Variants in P2RY10 observed in about 807,000 individuals in gnomAD.
P2RY10 encodes P2Y receptor family member 10.
P2RY10 carries 4 observed loss-of-function variants against 12.1 expected under a neutral mutation model. The ratio of observed to expected loss-of-function variants is 0.33; its 90% CI spans 0.16 to 0.76. The LOEUF (loss-of-function observed/expected upper bound fraction) is 0.76. P2RY10 is among the 30% of genes least tolerant of loss of function. The pLI, the probability that P2RY10 is intolerant of heterozygous loss-of-function variation, is 0.61. For missense variants in P2RY10, 233 were observed against 264.6 expected, an observed-to-expected ratio of 0.88 and a Z score of 0.83; for synonymous variants, 112 against 94.1, an observed-to-expected ratio of 1.19 and a Z score of -1.10.
intron 3 of P2RY10, among the ~76,000 whole-genome samples, chrX:78,959,218 G>A (rs1044243308): frequency 6.3e-5 from 7 of 111,308 alleles, no homozygotes; most frequent in African/African-American, 2.3e-4. Flanking sequence ...GGAGAAGGGT[G>A]TGCATGGAAG....
Position 78,960,950 on chromosome X carries a change from T to G in P2RY10, c.430T>G (p.Trp144Gly). The G allele has an allele frequency of 8.3e-7, 1 of 1,211,554 alleles. No homozygotes were observed. Among genetic ancestry groups the G allele is most frequent in the Non-Finnish European group, 1.1e-6 (1 of 895,198 alleles). Reference sequence around the variant, plus strand: ...CCTCAAGCCCTTCAGGGCCAGAGACTGGAAGCGTAGGTACGATGTGGGCAT... The same window carrying G: ...CCTCAAGCCCTTCAGGGCCAGAGACGGGAAGCGTAGGTACGATGTGGGCAT... ...FLLKPFRARD[W>G]KRRYDVGISA... The change falls in exon 4 of 4, where the codon TGG (tryptophan) becomes GGG (glycine). Residue 144 changes from tryptophan (W) to glycine (G), a missense_variant. By Grantham distance (184) the Trp-to-Gly change is radical (BLOSUM62 -2). Coordinates refer to ENST00000171757, the MANE Select transcript of P2RY10 (RefSeq NM_014499.4).
Position 78,961,962 on chromosome X carries a change from T to A in P2RY10, c.*422T>A, listed in dbSNP as rs1023465. On this transcript the variant is annotated 3_prime_UTR_variant, in exon 4 of 4. Transcript: ENST00000171757. ...TCTGAGTGAGAGTAAAAATGTCTAA[T>A]CTTTCTAACAGGTAAATTTTTCTAA... The A allele has an allele frequency of 0.056, 6,945 of 124,932 alleles. 647 individuals are homozygous for A. Among genetic ancestry groups the A allele is most frequent in the East Asian group, 0.52 (1,844 of 3,536 alleles). 10.3% of individuals were successfully genotyped at this position (124,932 alleles called of 1,213,427 possible). A position where few individuals can be genotyped will look rare whatever the true frequency, so the allele number is the denominator to read the frequency against.
At chrX:78,949,514 C>G (rs1417446251) in intron 2 of P2RY10, among the ~76,000 whole-genome samples, 1 of 111,629 alleles carries the variant, frequency 9.0e-6, no homozygotes, top group African/African-American at 3.3e-5. Context: ...ACCAGGTCTT[C>G]CAAAGAACAT....
intron 3 of P2RY10, 77 bp from the exon 4 acceptor site, chrX:78,960,431 G>C: frequency 1.4e-6 from 1 of 729,378 alleles, no homozygotes; most frequent in Admixed American, 3.2e-5. Context: ...GCCTCTGTAA[G>C]TATAAAAGAG....
chrX:78,960,655 C>A lies in P2RY10; in HGVS notation c.135C>A (p.Phe45Leu). 4.1e-6 allele frequency: 5 copies of A among 1,211,271 alleles called. No homozygotes were observed. The highest frequency in any genetic ancestry group is 5.6e-6 in the Non-Finnish European group (5 of 895,071). Residue 45 changes from phenylalanine to leucine, a missense_variant, in exon 4 of 4, where the codon TTC becomes TTA. Coordinates refer to ENST00000171757, the MANE Select transcript of P2RY10 (RefSeq NM_014499.4). ...SLYATTYILI[F>L]IPGLLANSAA... Reference sequence around the variant, plus strand: ...ATGCAACCACCTATATCCTCATATTCATTCCTGGTCTTCTGGCTAACAGTG... The same window carrying A: ...ATGCAACCACCTATATCCTCATATTAATTCCTGGTCTTCTGGCTAACAGTG...
At position 78,948,419 on chromosome X, in the gene P2RY10, G is replaced by C. The variant is rs1417609215; in HGVS notation, c.-157+556G>C. ...ACTCACATTTATTTAATACTTATTG[G>C]GTATCAGACATGAAAATAGGTACTT... On this transcript the variant is annotated intron_variant, in intron 2 of 3. Coordinates refer to ENST00000171757, the MANE Select transcript of P2RY10 (RefSeq NM_014499.4). 4.5e-5 allele frequency among the ~76,000 whole-genome samples: 5 copies of C among 111,106 alleles called. No individual in the cohort carries two copies. In the South Asian group the frequency reaches 1.5e-3, roughly 33 times the overall value.
chrX:78,962,224 G>T lies in P2RY10; in HGVS notation c.*684G>T, dbSNP rs1922665017. ...TAGTGGTGATTTGTGAGATTTTGGT[G>T]CAGCCATCACCCGAGCAGTATACAC... On this transcript the variant is annotated 3_prime_UTR_variant, in exon 4 of 4. Coordinates refer to ENST00000171757, the MANE Select transcript of P2RY10 (RefSeq NM_014499.4). 9.0e-6 allele frequency among the ~76,000 whole-genome samples: 1 copy of T among 110,503 alleles called. No individual in the cohort carries two copies. Among genetic ancestry groups the T allele is most frequent in the Non-Finnish European group, 1.9e-5 (1 of 52,890 alleles).
intron 3 of P2RY10, among the ~76,000 whole-genome samples, chrX:78,957,352 A>G (rs1293610438): frequency 2.4e-5 from 2 of 83,353 alleles, no homozygotes; most frequent in Non-Finnish European, 4.9e-5. Context: ...ATAGAGGAAG[A>G]GAAAGACACA....
At position 78,961,462 on chromosome X, in the gene P2RY10, C is replaced by T; in HGVS notation, c.942C>T (p.Asp314=). The T allele has an allele frequency of 3.3e-6, 4 of 1,210,517 alleles. No homozygotes were observed. Among genetic ancestry groups the T allele is most frequent in the Non-Finnish European group, 4.5e-6 (4 of 894,738 alleles). Residue 314 remains aspartate (D), a synonymous_variant, in exon 4 of 4, where the codon GAC becomes GAT. Coordinates refer to ENST00000171757, the MANE Select transcript of P2RY10 (RefSeq NM_014499.4). ...LYYFMASEFR[D]QLSRHGSSVT... is the part of the protein sequence containing the mutation. ...ACTTTATGGCTTCAGAGTTTCGTGACCAACTATCCCGCCATGGCAGTTCTG... is the reference window on the plus strand; with the variant it reads ...ACTTTATGGCTTCAGAGTTTCGTGATCAACTATCCCGCCATGGCAGTTCTG...
Position 78,960,830 on chromosome X carries a change from G to A in P2RY10, c.310G>A (p.Ala104Thr), listed in dbSNP as rs372511452. Residue 104 changes from alanine to threonine, a missense_variant, in exon 4 of 4, where the codon GCC becomes ACC. Physicochemically the swap from Ala to Thr is moderately conservative, Grantham distance 58. Transcript: ENST00000171757. ...YISHHWPFQR[A>T]LCLLCFYLKY... ...CAGCCACCACTGGCCTTTCCAGAGA[G>A]CCCTTTGCCTGCTCTGCTTCTACCT... 32 of 1,209,027 alleles carry A rather than the reference G, an allele frequency of 2.6e-5. No individual in the cohort carries two copies. Among genetic ancestry groups the A allele is most frequent in the Non-Finnish European group, 3.2e-5 (29 of 894,257 alleles).
Position 78,960,916 on chromosome X carries a change from C to T in P2RY10, c.396C>T (p.Cys132=), listed in dbSNP as rs35763350. ...TGACGTGCATCAGTCTTCAAAGGTG[C>T]TTTTTTCTCCTCAAGCCCTTCAGGG... ...CFLTCISLQR[C]FFLLKPFRAR... Residue 132 remains cysteine, a synonymous_variant, in exon 4 of 4, where the codon TGC becomes TGT. Coordinates refer to ENST00000171757, the MANE Select transcript of P2RY10 (RefSeq NM_014499.4). 3,029 of 1,209,457 alleles carry T rather than the reference C, an allele frequency of 2.5e-3. 53 individuals carry two copies. In the African/African-American group the frequency reaches 0.047, roughly 19 times the overall value.
At chrX:78,958,998 TA>T (rs1922473669) in intron 3 of P2RY10, among the ~76,000 whole-genome samples, 1 of 108,837 alleles carries the variant, frequency 9.2e-6, no homozygotes, top group Non-Finnish European at 1.9e-5. Context: ...GAGGAGAATC[TA>T]AAACCAGGTT....
At position 78,962,456 on chromosome X, in the gene P2RY10, C is replaced by A. The variant is rs1922677947; in HGVS notation, c.*916C>A. Among the ~76,000 whole-genome samples the A allele has an allele frequency of 8.9e-6, 1 of 111,808 alleles. No individual in the cohort carries two copies. The highest frequency in any genetic ancestry group is 3.3e-5 in the African/African-American group (1 of 30,750). On this transcript the variant is annotated 3_prime_UTR_variant, in exon 4 of 4. Transcript: ENST00000171757. ...ATACACCATATATGCTTATGTTATT[C>A]CCTTGCTTTTGTTGTTACATTTATT...
rs1922142379 is a variant in P2RY10 at position 78,952,328 on chromosome X, A to G, written c.-21A>G. 5.3e-6 allele frequency: 4 copies of G among 749,959 alleles called. No individual in the cohort carries two copies. The South Asian group carries it at 2.1e-4, about 39-fold the overall frequency. The allele number at this position is 749,959 out of a possible 1,213,427, so 61.8% of individuals were successfully genotyped here. ...CATGTACCCTGGACAGAGCACTTCA[A>G]ACTAGAGGTACCAAGAGTAATTACT... On this transcript the variant is annotated 5_prime_UTR_variant, in exon 3 of 4. Transcript: ENST00000171757.
rs774554860 is a variant in P2RY10, at chrX:78,960,776, T to A, written c.256T>A (p.Ser86Thr). ...TGTGGCTGACCTTGCTCATGTATTA[T>A]CTTTACCCCTCCGGATTTACTATTA... ...LSVADLAHVL[S>T]LPLRIYYYIS... The change falls in exon 4 of 4, where the codon TCT (serine) becomes ACT (threonine). Residue 86 changes from serine to threonine, a missense_variant. Physicochemically the swap from Ser to Thr is moderately conservative, Grantham distance 58. Transcript: ENST00000171757. The A allele has an allele frequency of 1.7e-6, 2 of 1,211,748 alleles. No homozygotes were observed. Among genetic ancestry groups the A allele is most frequent in the South Asian group, 3.5e-5 (2 of 56,988 alleles).
chrX:78,952,198 A>G lies in P2RY10; in HGVS notation c.-151A>G. ...TTTTCTGCTTTTCTTATTAGGTTAA[A>G]ACTCTATGCTGGTCATTCCCTTCAG... On this transcript the variant is annotated 5_prime_UTR_variant, in exon 3 of 4. Coordinates refer to ENST00000171757, the MANE Select transcript of P2RY10 (RefSeq NM_014499.4). 1.3e-6 allele frequency: 1 copy of G among 750,903 alleles called. No homozygotes were observed. The highest frequency in any genetic ancestry group is 1.6e-6 in the Non-Finnish European group (1 of 636,353). The allele number at this position is 750,903 out of a possible 1,213,427, so 61.9% of individuals were successfully genotyped here.
intron 3 of P2RY10, among the ~76,000 whole-genome samples, chrX:78,957,387 C>CACAGAGAGAG (rs760263078): frequency 1.3e-5 from 1 of 75,811 alleles, no homozygotes; most frequent in Admixed American, 1.5e-4. Flanking sequence ...CACACACACA[C>CACAGAGAGAG]AGAGAGAGAG....
intron 3 of P2RY10, among the ~76,000 whole-genome samples, chrX:78,958,735 C>T (rs1225126717): frequency 5.4e-5 from 6 of 112,135 alleles, no homozygotes; most frequent in Non-Finnish European, 1.1e-4. Flanking sequence ...GAGTCCCTTC[C>T]ACCCTCCATT....
At position 78,948,328 on chromosome X, in the gene P2RY10, A is replaced by G. The variant is rs1324266775; in HGVS notation, c.-157+465A>G. Among the ~76,000 whole-genome samples, 3 of 112,155 alleles carry G rather than the reference A, an allele frequency of 2.7e-5. No homozygotes were observed. The Admixed American group carries it at 2.8e-4, about 11-fold the overall frequency. On this transcript the variant is annotated intron_variant, in intron 2 of 3. Coordinates refer to ENST00000171757, the MANE Select transcript of P2RY10 (RefSeq NM_014499.4). ...ACTTCTTAGGGGATTTTCTAAATCC[A>G]GAAATGTACAGGATCCAACCAAAGG...
Sources: gnomAD v4.1 joint callset for allele counts (sites outside exome capture counted in the v4.1 genomes callset) on GRCh38, gnomAD v4.1.1 for gene constraint, MANE v1.5 for transcripts, NCBI Gene and HGNC (gene_info 2026-07-23, HGNC 2026-07-21) for gene names.